The following SPATA18 variants were observed in gnomAD, a reference collection of about 807,000 sequenced individuals.
SPATA18 encodes spermatogenesis associated 18.
Under a neutral mutation model 68.1 loss-of-function variants are expected in SPATA18, and 54 were observed. That is an observed-to-expected ratio of 0.79 (90% CI 0.64 to 0.99). The LOEUF (loss-of-function observed/expected upper bound fraction) is 0.99, where lower values mean the gene tolerates loss of function less well. Ranked by LOEUF, SPATA18 falls within the 50% of genes least tolerant of loss-of-function variation. The pLI is 0.00. For synonymous variants in SPATA18, 242 were observed against 244.8 expected (o/e 0.99, Z 0.11); for missense variants, 724 against 681.1 (o/e 1.06, Z -0.70).
intron 10 of SPATA18, chr4:52,083,121 G>A (rs1180133024): frequency 4.1e-6 from 4 of 985,294 alleles, no homozygotes; most frequent in Non-Finnish European, 4.8e-6. Flanking sequence ...GGTACCGTAT[G>A]TGAGCATGTG....
chr4:52,077,077 CAGCCGGGAG>C, intron 7 of SPATA18, 37 bp downstream of exon 7: 1 of 1,550,980 alleles, frequency 6.4e-7, no homozygotes, highest in Admixed American at 2.0e-5. Context: ...CTCCTTAGGG[CAGCCGGGAG>C]ACAAGTTCTG....
At chr4:52,083,101 A>G in intron 10 of SPATA18, 1 of 985,348 alleles carries the variant, frequency 1.0e-6, no homozygotes, top group Non-Finnish European at 1.2e-6. Flanking sequence ...TTTAAAAAAA[A>G]GGAGTCTTAG....
rs1016294480 is a variant in SPATA18, at chr4:52,095,718, C to T, written c.*831C>T. 2.0e-5 allele frequency: 3 copies of T among 152,176 alleles called. No homozygotes were observed. The highest frequency in any genetic ancestry group is 7.2e-5 in the African/African-American group (3 of 41,452). The allele number at this position is 152,176 out of a possible 1,614,324, so 9.4% of individuals were successfully genotyped here. ...TAAAAGTTTCTTGGGACATGCTCTT[C>T]ACCTGTTCTACCTAGTTATTTGCAA... On this transcript the variant is annotated 3_prime_UTR_variant, in exon 13 of 13. Coordinates refer to ENST00000295213, the MANE Select transcript of SPATA18 (RefSeq NM_145263.4).
chr4:52,071,841 ATT>A, intron 5 of SPATA18, 74 bp from the exon 6 acceptor site: 1 of 1,457,290 alleles, frequency 6.9e-7, no homozygotes, highest in Non-Finnish European at 9.3e-7. Flanking sequence ...ATTGCTGCTT[ATT>A]ACCTTTCCTT....
At chr4:52,092,303 T>C (rs1387824655) in intron 11 of SPATA18, among the ~76,000 whole-genome samples, 1 of 151,424 alleles carries the variant, frequency 6.6e-6, no homozygotes, top group African/African-American at 2.4e-5. Flanking sequence ...GTCTGCCCAA[T>C]TGGCTGCCCA....
rs1478763797 is a variant in SPATA18, at chr4:52,077,408, TTTCC to T, written c.1020+374_1020+377del. 4.2e-3 allele frequency among the ~76,000 whole-genome samples: 435 copies of T among 104,438 alleles called. 2 individuals carry two copies. Among genetic ancestry groups the T allele is most frequent in the South Asian group, 0.017 (64 of 3,662 alleles). 68.5% of individuals were successfully genotyped at this position (104,438 alleles called of 152,430 possible). Reference sequence around the variant, plus strand: ...TCCTTTCTCCCTTCTTCCTCCATTGTTTCCTTCCTCTCTCTCCTTCCTTCCTTCC... The same window carrying T: ...TCCTTTCTCCCTTCTTCCTCCATTGTTTCCTCTCTCTCCTTCCTTCCTTCC... On this transcript the variant is annotated intron_variant, in intron 7 of 12. Coordinates refer to ENST00000295213, the MANE Select transcript of SPATA18 (RefSeq NM_145263.4).
intron 11 of SPATA18, among the ~76,000 whole-genome samples, chr4:52,089,788 G>T (rs1741772668): frequency 6.6e-6 from 1 of 152,180 alleles, no homozygotes; most frequent in Non-Finnish European, 1.5e-5. Flanking sequence ...TTTTGTAGAG[G>T]TCTATTAGGT....
Position 52,094,989 on chromosome 4 carries a change from T to C in SPATA18, c.*102T>C. The C allele has an allele frequency of 7.0e-7, 1 of 1,423,828 alleles. No individual in the cohort carries two copies. The highest frequency in any genetic ancestry group is 1.1e-5 in the South Asian group (1 of 87,138). 88.2% of individuals were successfully genotyped at this position (1,423,828 alleles called of 1,614,324 possible). A position where few individuals can be genotyped will look rare whatever the true frequency, so the allele number is the denominator to read the frequency against. On this transcript the variant is annotated 3_prime_UTR_variant, in exon 13 of 13. Coordinates refer to ENST00000295213, the MANE Select transcript of SPATA18 (RefSeq NM_145263.4). ...CTGCCTCAGACCTCACTTAAGATAA[T>C]GTCAAAAGGCAATTCTGTGTATCAC...
intron 1 of SPATA18, among the ~76,000 whole-genome samples, chr4:52,058,581 T>C (rs926378905): frequency 6.6e-6 from 1 of 152,136 alleles, no homozygotes; most frequent in Non-Finnish European, 1.5e-5. Flanking sequence ...GTCCTTGCTG[T>C]TCCCACTGCC....
intron 5 of SPATA18, among the ~76,000 whole-genome samples, chr4:52,070,117 A>C (rs980874436): frequency 7.3e-5 from 11 of 151,598 alleles, no homozygotes; most frequent in African/African-American, 2.7e-4. Flanking sequence ...CGTAGTATAA[A>C]GGCATATAAA....
chr4:52,068,089 G>A (rs1422793715), intron 4 of SPATA18, among the ~76,000 whole-genome samples: 1 of 152,114 alleles, frequency 6.6e-6, no homozygotes, highest in African/African-American at 2.4e-5. Flanking sequence ...TATGTGTTAG[G>A]AGAAAAATAC....
At chr4:52,085,080 A>G in intron 11 of SPATA18, 81 bp downstream of exon 11, 1 of 1,137,676 alleles carries the variant, frequency 8.8e-7, no homozygotes, top group Non-Finnish European at 1.3e-6. Context: ...AATACAAAAG[A>G]GGTGATTATA....
chr4:52,064,833 GTT>G (rs1739185239), intron 4 of SPATA18, among the ~76,000 whole-genome samples: 1 of 152,132 alleles, frequency 6.6e-6, no homozygotes, highest in South Asian at 2.1e-4. Context: ...TCTACTTTTA[GTT>G]AAGGAATCTC....
At chr4:52,084,883 A>T in intron 10 of SPATA18, 33 bp from the exon 11 acceptor site, 1 of 1,606,438 alleles carries the variant, frequency 6.2e-7, no homozygotes, top group Non-Finnish European at 8.5e-7. Context: ...CAAACTCCTG[A>T]CTATGTCTCT....
chr4:52,082,005 C>T (rs1259591977), intron 9 of SPATA18, among the ~76,000 whole-genome samples: 1 of 152,298 alleles, frequency 6.6e-6, no homozygotes, highest in African/African-American at 2.4e-5. Flanking sequence ...AGTTTCCAAT[C>T]CACCTACTTA....
intron 1 of SPATA18, among the ~76,000 whole-genome samples, chr4:52,059,897 T>C (rs1055772720): frequency 2.0e-5 from 3 of 152,224 alleles, no homozygotes; most frequent in African/African-American, 7.2e-5. Context: ...ACAGGTCTAT[T>C]TACTTTTTAA....
chr4:52,062,193 T>C, intron 3 of SPATA18, 27 bp from the exon 4 acceptor site: 1 of 1,327,418 alleles, frequency 7.5e-7, no homozygotes, highest in Non-Finnish European at 1.0e-6. Flanking sequence ...ACTGTTTTTT[T>C]TTTTTTTTTT....
At chr4:52,062,428 T>C in intron 4 of SPATA18, 96 bp downstream of exon 4, 1 of 811,300 alleles carries the variant, frequency 1.2e-6, no homozygotes, top group East Asian at 2.6e-5. Flanking sequence ...ATGTAAAATG[T>C]GGGCATTTGC....
intron 6 of SPATA18, among the ~76,000 whole-genome samples, chr4:52,073,029 C>A (rs893919620): frequency 1.3e-5 from 2 of 152,100 alleles, no homozygotes; most frequent in African/African-American, 2.4e-5. Context: ...TTTTTAACAA[C>A]CCCCCTCAAG....
Sources: allele counts gnomAD v4.1 joint callset (sites outside exome capture counted in the v4.1 genomes callset), GRCh38; gene constraint gnomAD v4.1.1; transcripts MANE v1.5; gene names NCBI Gene and HGNC (gene_info 2026-07-23, HGNC 2026-07-21).